Variants in AFMID observed in about 807,000 individuals in gnomAD.
The protein encoded by AFMID is kynurenine formamidase.
AFMID carries 39 observed loss-of-function variants against 47.5 expected under a neutral mutation model. The ratio of observed to expected loss-of-function variants is 0.82; its 90% CI spans 0.64 to 1.07. AFMID has a LOEUF of 1.07. Among genes scored for constraint, AFMID ranks in the 50% least tolerant of loss-of-function variants. AFMID has a pLI of 0.00. For missense variants in AFMID, 375 were observed against 387.5 expected (o/e 0.97, Z 0.27); for synonymous variants, 130 against 153.2 (o/e 0.85, Z 1.12).
rs1310919734 is a variant in AFMID at position 78,205,623 on chromosome 17, G to T, written c.665G>T (p.Ser222Ile). 1.2e-6 allele frequency: 2 copies of T among 1,613,834 alleles called. No homozygotes were observed. The highest frequency in any genetic ancestry group is 2.2e-5 in the South Asian group (2 of 91,072). ...QLTLEDAQRNSPQLKVAQAQP... is the reference protein window; with the variant it reads ...QLTLEDAQRNIPQLKVAQAQP... ...CCCAGGGAGGACGCTCAGAGGAATA[G>T]CCCCCAGCTGAAGGTGGCCCAGGCA... The change falls in exon 9 of 11, where the codon AGC becomes ATC. Residue 222 changes from serine to isoleucine, a missense_variant. By Grantham distance (142) the Ser-to-Ile change is moderately radical. Coordinates refer to ENST00000409257, the MANE Select transcript of AFMID (RefSeq NM_001010982.5).
intron 2 of AFMID, among the ~76,000 whole-genome samples, chr17:78,192,068 G>A (rs897416417): frequency 1.3e-5 from 2 of 151,022 alleles, no homozygotes; most frequent in African/African-American, 4.9e-5. Context: ...GCATGATCTC[G>A]ACTCACCGCT....
intron 10 of AFMID, 52 bp downstream of exon 10, chr17:78,206,102 C>A: frequency 6.6e-7 from 1 of 1,515,462 alleles, no homozygotes; most frequent in South Asian, 1.1e-5. Flanking sequence ...CAGGTCCTGT[C>A]GCAGCCCCTT....
At chr17:78,199,669 G>A (rs1019295054) in intron 2 of AFMID, among the ~76,000 whole-genome samples, 20 of 119,834 alleles carry the variant, frequency 1.7e-4, no homozygotes, top group Admixed American at 5.5e-4. Flanking sequence ...CGCCGCGCCC[G>A]GCCAGGCTTT....
rs1005240656 is a variant in AFMID at position 78,207,357 on chromosome 17, C to G, written c.*420C>G. The G allele has an allele frequency of 6.5e-6, 1 of 153,356 alleles. No homozygotes were observed. Among genetic ancestry groups the G allele is most frequent in the Non-Finnish European group, 1.2e-5 (1 of 80,204 alleles). The allele number at this position is 153,356 out of a possible 1,614,324, so 9.5% of individuals were successfully genotyped here. On this transcript the variant is annotated 3_prime_UTR_variant, in exon 11 of 11. Coordinates refer to ENST00000409257, the MANE Select transcript of AFMID (RefSeq NM_001010982.5). ...GGAGTGCAGTGGCGTGATCTTGGCT[C>G]ACTGCAACCTCCACCTCCCGGGTTC... is the stretch of plus-strand genomic sequence containing the variant.
chr17:78,199,820 G>A (rs1345035457), intron 2 of AFMID, among the ~76,000 whole-genome samples: 3 of 152,192 alleles, frequency 2.0e-5, no homozygotes, highest in African/African-American at 7.2e-5. Flanking sequence ...CTCTTTTGGG[G>A]AGATCAACCC....
Position 78,202,610 on chromosome 17 carries a change from G to A in AFMID, c.259+7G>A, listed in dbSNP as rs776182026. 2.7e-5 allele frequency: 43 copies of A among 1,613,402 alleles called. No homozygotes were observed. Among genetic ancestry groups the A allele is most frequent in the South Asian group, 1.1e-4 (10 of 91,026 alleles). ...CCCGACGAGTCGTCTGAAGGTTGTC[G>A]GTGAAGGGGCTGGGGGTCCCGGGGC... On this transcript the variant is annotated splice_region_variant and intron_variant, in intron 3 of 10. Transcript: ENST00000409257.
In AFMID at chr17:78,202,621, TG is replaced by T. The variant is rs1214084491; in HGVS notation, c.259+23del. On this transcript the variant is annotated intron_variant, in intron 3 of 10. Transcript: ENST00000409257. ...GTCTGAAGGTTGTCGGTGAAGGGGC[TG>T]GGGGTCCCGGGGCTTGGGGGTCCAG... 16 of 1,411,114 alleles carry T rather than the reference TG, an allele frequency of 1.1e-5. No individual in the cohort carries two copies. Among genetic ancestry groups the T allele is most frequent in the Non-Finnish European group, 1.5e-5 (15 of 1,001,736 alleles). The allele number at this position is 1,411,114 out of a possible 1,614,324, so 87.4% of individuals were successfully genotyped here.
chr17:78,203,633 T>C (rs959662755), intron 4 of AFMID: 3 of 152,134 alleles, frequency 2.0e-5, no homozygotes, highest in African/African-American at 7.2e-5. Flanking sequence ...CACTGTAAGC[T>C]AAGCAGTGGG....
chr17:78,202,717 C>A lies in AFMID; in HGVS notation c.274C>A (p.Leu92Met), dbSNP rs868730520. The part of the protein sequence containing the change: ...DESSEALPFF[L>M]FFHGGYWQSG... The stretch of plus-strand genomic sequence containing the variant: ...TGGTTTTGCAGCCTTGCCTTTCTTC[C>A]TGTTCTTTCACGGAGGATACTGGCA... Residue 92 changes from leucine to methionine, a missense_variant, in exon 4 of 11, where the codon CTG (leucine) becomes ATG (methionine). Transcript: ENST00000409257. The A allele has an allele frequency of 6.4e-7, 1 of 1,559,806 alleles. No homozygotes were observed. Among genetic ancestry groups the A allele is most frequent in the East Asian group, 2.4e-5 (1 of 42,112 alleles).
rs181152822 is a variant in AFMID at position 78,192,236 on chromosome 17, C to T, written c.154+1176C>T. The stretch of plus-strand genomic sequence containing the variant: ...ATGTTGGTCAGGCTGGTCTTGAACT[C>T]CTGACCTCAGGTGATTCGCCCTCCT... On this transcript the variant is annotated intron_variant, in intron 2 of 10. Coordinates refer to ENST00000409257, the MANE Select transcript of AFMID (RefSeq NM_001010982.5). Among the ~76,000 whole-genome samples, 619 of 149,754 alleles carry T rather than the reference C, an allele frequency of 4.1e-3. 3 individuals carry two copies. The highest frequency in any genetic ancestry group is 0.014 in the African/African-American group (568 of 40,628).
rs569036728 is a variant in AFMID at position 78,201,872 on chromosome 17, A to G, written c.155-627A>G. Among the ~76,000 whole-genome samples, 432 of 151,770 alleles carry G rather than the reference A, an allele frequency of 2.8e-3. 5 individuals carry two copies. Among genetic ancestry groups the G allele is most frequent in the African/African-American group, 0.01 (416 of 41,466 alleles). ...CAGCCTCCTGAGTAGCTGGGACTAC[A>G]GGCACCTGCCACCACGCCTGGCTAA... is the stretch of plus-strand genomic sequence containing the variant. On this transcript the variant is annotated intron_variant, in intron 2 of 10. Coordinates refer to ENST00000409257, the MANE Select transcript of AFMID (RefSeq NM_001010982.5).
chr17:78,204,836 G>A lies in AFMID; in HGVS notation c.403G>A (p.Asp135Asn). 6.2e-7 allele frequency: 1 copy of A among 1,614,228 alleles called. No individual in the cohort carries two copies. Among genetic ancestry groups the A allele is most frequent in the Non-Finnish European group, 8.5e-7 (1 of 1,180,036 alleles). ...TCATGCTCTCTGTGCAGGCACCCTG[G>A]ACCACATGGTAGACCAGGTGACCCG... ...AYGIAPKGTL[D>N]HMVDQVTRSV... Residue 135 changes from aspartate to asparagine, a missense_variant, in exon 6 of 11, where the codon GAC (aspartate) becomes AAC (asparagine). Physicochemically the swap from Asp to Asn is conservative, Grantham distance 23 (BLOSUM62 1). Coordinates refer to ENST00000409257, the MANE Select transcript of AFMID (RefSeq NM_001010982.5).
chr17:78,206,900 T>A lies in AFMID; in HGVS notation c.886-11T>A, dbSNP rs1332752644. On this transcript the variant is annotated splice_polypyrimidine_tract_variant and intron_variant, in intron 10 of 10. Coordinates refer to ENST00000409257, the MANE Select transcript of AFMID (RefSeq NM_001010982.5). ...ATTCTGGGGCTTTTGTGTCTTCTCT[T>A]CCTGTTCCAGATTATCTTGAAAACA... The A allele has an allele frequency of 6.2e-7, 1 of 1,613,952 alleles. No homozygotes were observed. The highest frequency in any genetic ancestry group is 8.5e-7 in the Non-Finnish European group (1 of 1,179,928).
At chr17:78,188,156 CAA>C (rs1037796020) in intron 1 of AFMID, among the ~76,000 whole-genome samples, 3 of 131,936 alleles carry the variant, frequency 2.3e-5, no homozygotes. Context: ...TGCGGTGGCT[CAA>C]AAAAAAAAAG....
At chr17:78,201,785 C>T (rs1599008407) in intron 2 of AFMID, among the ~76,000 whole-genome samples, 1 of 151,862 alleles carries the variant, frequency 6.6e-6, no homozygotes, top group Non-Finnish European at 1.5e-5. Flanking sequence ...GGCTAGAGTG[C>T]AGTGGCGTGA....
Position 78,207,003 on chromosome 17 carries a change from C to G in AFMID, c.*66C>G. 1 of 1,542,500 alleles carries G rather than the reference C, an allele frequency of 6.5e-7. No homozygotes were observed. Among genetic ancestry groups the G allele is most frequent in the Non-Finnish European group, 9.0e-7 (1 of 1,114,986 alleles). ...TTGGGAAGCCTCTCCAAAGAGCTTT[C>G]GGAGCTGACACTGACAGCTTCAGTT... On this transcript the variant is annotated 3_prime_UTR_variant, in exon 11 of 11. Transcript: ENST00000409257.
intron 1 of AFMID, among the ~76,000 whole-genome samples, chr17:78,190,340 C>T (rs1043709713): frequency 1.3e-5 from 2 of 152,114 alleles, no homozygotes; most frequent in African/African-American, 4.8e-5. Context: ...GTGCCTTTGA[C>T]TGTGCAGTGA....
At chr17:78,201,952 G>A (rs562277922) in intron 2 of AFMID, among the ~76,000 whole-genome samples, 2 of 151,346 alleles carry the variant, frequency 1.3e-5, no homozygotes, top group Admixed American at 6.6e-5. Context: ...GGGTGGTCTC[G>A]ATCTCCTGAC....
chr17:78,191,266 CG>C (rs1567842760), intron 2 of AFMID, among the ~76,000 whole-genome samples: 1 of 152,044 alleles, frequency 6.6e-6, no homozygotes, highest in Non-Finnish European at 1.5e-5. Context: ...AGGAGAGGTC[CG>C]GGGGAGGTCC....
Sources: allele counts gnomAD v4.1 joint callset (sites outside exome capture counted in the v4.1 genomes callset), GRCh38; gene constraint gnomAD v4.1.1; transcripts MANE v1.5; gene names NCBI Gene and HGNC (gene_info 2026-07-23, HGNC 2026-07-21).